The following ATRNL1 variants were observed in gnomAD, a reference collection of about 807,000 sequenced individuals.
The protein encoded by ATRNL1 is attractin-like protein 1.
In ATRNL1, 95 loss-of-function variants were observed where a neutral mutation model predicts 182.7. The observed-to-expected ratio is 0.52, with a 90% CI of 0.44 to 0.62. The LOEUF (loss-of-function observed/expected upper bound fraction) is 0.62, where lower values mean the gene tolerates loss of function less well. ATRNL1 is among the 20% of genes least tolerant of loss of function. The probability of loss-of-function intolerance (pLI) is 0.00; values close to 1 mark genes in which losing one functional copy is unlikely to be tolerated. For missense variants in ATRNL1, 1,471 were observed against 1,679.5 expected, an observed-to-expected ratio of 0.88 and a Z score of 2.17; for synonymous variants, 576 against 568.3, an observed-to-expected ratio of 1.01 and a Z score of -0.19.
chr10:115,281,852 A>G (rs1429221160), intron 14 of ATRNL1, among the ~76,000 whole-genome samples: 2 of 150,224 alleles, frequency 1.3e-5, no homozygotes, highest in African/African-American at 2.4e-5. Flanking sequence ...AACTCAGTGC[A>G]TATTTTCATT....
intron 19 of ATRNL1, among the ~76,000 whole-genome samples, chr10:115,390,072 A>G (rs1348569372): frequency 1.3e-5 from 2 of 151,902 alleles, no homozygotes; most frequent in Non-Finnish European, 2.9e-5. Flanking sequence ...GAGTTGCTTG[A>G]ATTTCTTATG....
chr10:115,599,275 G>A (rs937971249), intron 26 of ATRNL1, among the ~76,000 whole-genome samples: 2 of 151,918 alleles, frequency 1.3e-5, no homozygotes, highest in African/African-American at 4.8e-5. Flanking sequence ...TTTCATTTTT[G>A]TGAAAATATC....
At chr10:115,165,265 A>C (rs1846984457) in intron 6 of ATRNL1, among the ~76,000 whole-genome samples, 1 of 152,018 alleles carries the variant, frequency 6.6e-6, no homozygotes, top group South Asian at 2.1e-4. Flanking sequence ...TAGCTTAATC[A>C]ATTGATGGAA....
In ATRNL1 at chr10:115,274,502, T is replaced by G. The variant is rs1554914286; in HGVS notation, c.2100+6058T>G. Reference sequence around the variant, plus strand: ...TTCAGTGAGTTAGAAGGCCCCTGAATTTTAGATGAATTTATTTCCCAACCT... The same window carrying G: ...TTCAGTGAGTTAGAAGGCCCCTGAAGTTTAGATGAATTTATTTCCCAACCT... On this transcript the variant is annotated intron_variant, in intron 13 of 28. Coordinates refer to ENST00000355044, the MANE Select transcript of ATRNL1 (RefSeq NM_207303.4). Among the ~76,000 whole-genome samples, 4 of 152,284 alleles carry G rather than the reference T, an allele frequency of 2.6e-5. No homozygotes were observed. The South Asian group carries it at 8.3e-4, about 32-fold the overall frequency.
chr10:115,592,937 G>T (rs1262466898), intron 26 of ATRNL1, among the ~76,000 whole-genome samples: 1 of 151,984 alleles, frequency 6.6e-6, no homozygotes, highest in Non-Finnish European at 1.5e-5. Context: ...CTGTCTGTCT[G>T]TCTATCTGTC....
At chr10:115,785,614 C>T (rs1445709784) in intron 27 of ATRNL1, among the ~76,000 whole-genome samples, 1 of 152,184 alleles carries the variant, frequency 6.6e-6, no homozygotes, top group Non-Finnish European at 1.5e-5. Context: ...GATCTGTTAA[C>T]CACACACCTA....
intron 28 of ATRNL1, among the ~76,000 whole-genome samples, chr10:115,890,483 A>G (rs1213779041): frequency 6.6e-6 from 1 of 152,216 alleles, no homozygotes; most frequent in Non-Finnish European, 1.5e-5. Context: ...TGTGACTCAC[A>G]GTCCCTATAA....
chr10:115,497,399 A>G (rs953077452), intron 24 of ATRNL1, among the ~76,000 whole-genome samples: 5 of 152,204 alleles, frequency 3.3e-5, no homozygotes, highest in Non-Finnish European at 4.4e-5. Flanking sequence ...CATGGGGACT[A>G]TCACTCACTT....
At position 115,947,848 on chromosome 10, in the gene ATRNL1, G is replaced by A. The variant is rs1953909768; in HGVS notation, c.*3069G>A. 1 of 152,166 alleles carries A rather than the reference G, an allele frequency of 6.6e-6. No individual in the cohort carries two copies. The highest frequency in any genetic ancestry group is 2.1e-4 in the South Asian group (1 of 4,826). 9.4% of individuals were successfully genotyped at this position (152,166 alleles called of 1,614,324 possible). On this transcript the variant is annotated 3_prime_UTR_variant, in exon 29 of 29. Transcript: ENST00000355044. ...GTGCTGGGTAAGTTTCACCTTTGAA[G>A]CCTCAGCCTTCCATCTGTAAAGGGC... is the stretch of plus-strand genomic sequence containing the variant.
chr10:115,404,425 C>T (rs1554957728), intron 20 of ATRNL1, among the ~76,000 whole-genome samples: 4 of 152,176 alleles, frequency 2.6e-5, no homozygotes, highest in Non-Finnish European at 5.9e-5. Flanking sequence ...TTTCCTCATT[C>T]AGCAGTTCAA....
intron 7 of ATRNL1, among the ~76,000 whole-genome samples, chr10:115,167,621 CTGT>C (rs1363875127): frequency 6.6e-6 from 1 of 151,844 alleles, no homozygotes; most frequent in Non-Finnish European, 1.5e-5. Flanking sequence ...GTTTTCTGTG[CTGT>C]TGTTAAAAAA....
chr10:115,768,997 A>G (rs1027708039), intron 27 of ATRNL1, among the ~76,000 whole-genome samples: 1 of 152,152 alleles, frequency 6.6e-6, no homozygotes, highest in Non-Finnish European at 1.5e-5. Context: ...ACATATAGAC[A>G]TATGAATGAG....
At position 115,631,696 on chromosome 10, in the gene ATRNL1, G is replaced by T. The variant is rs1555026503; in HGVS notation, c.3795+82160G>T. 1.6e-4 allele frequency among the ~76,000 whole-genome samples: 25 copies of T among 152,144 alleles called. 1 individual carries two copies. ...GTTATAATAAAGAGATGATGATATG[G>T]TCTAGTTAATTACTGCCTATAGTAG... On this transcript the variant is annotated intron_variant, in intron 26 of 28. Coordinates refer to ENST00000355044, the MANE Select transcript of ATRNL1 (RefSeq NM_207303.4).
chr10:115,679,319 GT>G (rs376513964), intron 26 of ATRNL1, among the ~76,000 whole-genome samples: 1,770 of 148,700 alleles, frequency 0.012, 33 homozygotes, highest in African/African-American at 0.041. Flanking sequence ...TGGTTGGTTG[GT>G]TTTTTTTTTA....
chr10:115,197,046 A>G (rs551968332), intron 8 of ATRNL1, among the ~76,000 whole-genome samples: 17 of 152,154 alleles, frequency 1.1e-4, no homozygotes, highest in Middle Eastern at 3.4e-3. Flanking sequence ...GAGGAAATTT[A>G]CTTTTATTTC....
intron 20 of ATRNL1, among the ~76,000 whole-genome samples, chr10:115,421,060 T>C (rs1845627793): frequency 6.6e-6 from 1 of 152,006 alleles, no homozygotes; most frequent in Non-Finnish European, 1.5e-5. Context: ...AAACAAAGAC[T>C]CCTATCAAAA....
At chr10:115,330,508 A>G (rs1169848003) in intron 18 of ATRNL1, among the ~76,000 whole-genome samples, 1 of 151,888 alleles carries the variant, frequency 6.6e-6, no homozygotes, top group Admixed American at 6.6e-5. Context: ...TTATCTGGGA[A>G]TGTCTTTAGT....
intron 18 of ATRNL1, among the ~76,000 whole-genome samples, chr10:115,332,090 G>T (rs186816077): frequency 8.5e-4 from 129 of 152,272 alleles, no homozygotes; most frequent in Non-Finnish European, 1.6e-3. Context: ...GCTCTTCATG[G>T]GCTGATGCAG....
intron 24 of ATRNL1, among the ~76,000 whole-genome samples, chr10:115,476,528 A>G (rs1554973144): frequency 6.6e-6 from 1 of 150,946 alleles, no homozygotes; most frequent in African/African-American, 2.4e-5. Flanking sequence ...TTTTTTTAAT[A>G]TTGTCAGATT....
Sources: allele counts gnomAD v4.1 joint callset (sites outside exome capture counted in the v4.1 genomes callset), GRCh38; gene constraint gnomAD v4.1.1; transcripts MANE v1.5; gene names NCBI Gene and HGNC (gene_info 2026-07-23, HGNC 2026-07-21).